YIPF4: variants seen among roughly 807,000 people sequenced by gnomAD.
YIPF4 encodes Yip1 domain family member 4.
A neutral mutation model predicts 29.4 loss-of-function variants in YIPF4; 18 were observed. The observed-to-expected ratio is 0.61, with a 90% CI of 0.42 to 0.91. YIPF4 has a LOEUF of 0.91. Ranked by LOEUF, YIPF4 falls within the 40% of genes least tolerant of loss-of-function variation. YIPF4 has a pLI of 0.00. For missense variants in YIPF4, 279 were observed against 282.7 expected, an observed-to-expected ratio of 0.99 and a Z score of 0.09; for synonymous variants, 115 against 104.7, an observed-to-expected ratio of 1.10 and a Z score of -0.60.
chr2:32,302,622 A>C (rs1558481785), intron 5 of YIPF4, among the ~76,000 whole-genome samples: 2 of 152,156 alleles, frequency 1.3e-5, no homozygotes, highest in Non-Finnish European at 2.9e-5. Flanking sequence ...TAGTAGTGTA[A>C]CTTAAACATT....
intron 4 of YIPF4, among the ~76,000 whole-genome samples, chr2:32,300,059 G>C (rs1009866184): frequency 1.3e-5 from 2 of 152,108 alleles, no homozygotes; most frequent in African/African-American, 2.4e-5. Context: ...CTGAGGTTGG[G>C]AGTTTGAGAC....
intron 4 of YIPF4, among the ~76,000 whole-genome samples, chr2:32,300,995 C>G (rs2031385077): frequency 6.6e-6 from 1 of 152,192 alleles, no homozygotes; most frequent in Non-Finnish European, 1.5e-5. Context: ...TTGGTAACAT[C>G]TAGGTTCTCT....
chr2:32,300,618 A>G (rs890700501), intron 4 of YIPF4, among the ~76,000 whole-genome samples: 1 of 152,132 alleles, frequency 6.6e-6, no homozygotes. Context: ...ATAGACACTT[A>G]AAGTATATTT....
At chr2:32,296,820 CCTA>C (rs1303121040) in intron 3 of YIPF4, among the ~76,000 whole-genome samples, 1 of 152,168 alleles carries the variant, frequency 6.6e-6, no homozygotes, top group Admixed American at 6.5e-5. Context: ...CTAACTTTAG[CCTA>C]CTAATTTTAG....
rs564046880 is a variant in YIPF4, at chr2:32,278,191, C to G, written c.36C>G (p.Pro12=). The change falls in exon 1 of 6, where the codon CCC becomes CCG. Residue 12 remains proline (P), a synonymous_variant. Coordinates refer to ENST00000238831, the MANE Select transcript of YIPF4 (RefSeq NM_032312.4). ...QPPGPPPAYA[P]TNGDFTFVSS... The stretch of plus-strand genomic sequence containing the variant: ...CGGGCCCGCCCCCGGCCTATGCCCC[C>G]ACTAACGGGGACTTCACCTTTGTCT... 7.5e-5 allele frequency: 118 copies of G among 1,574,220 alleles called. 1 individual carries two copies. The East Asian group carries it at 2.0e-3, about 27-fold the overall frequency.
rs2031691999 is a variant in YIPF4 at position 32,310,317 on chromosome 2, G to T, written c.*4691G>T. On this transcript the variant is annotated 3_prime_UTR_variant, in exon 6 of 6. Coordinates refer to ENST00000238831, the MANE Select transcript of YIPF4 (RefSeq NM_032312.4). ...TGTAGACCAGCCTGGGCAAGATAGCGAGATCCTGCCTCTGAAAAAATCATA... is the reference window on the plus strand; with the variant it reads ...TGTAGACCAGCCTGGGCAAGATAGCTAGATCCTGCCTCTGAAAAAATCATA... 1 of 152,058 alleles carries T rather than the reference G, an allele frequency of 6.6e-6. No individual in the cohort carries two copies. The highest frequency in any genetic ancestry group is 2.4e-5 in the African/African-American group (1 of 41,416). The allele number at this position is 152,058 out of a possible 1,614,324, so 9.4% of individuals were successfully genotyped here.
intron 1 of YIPF4, 152 bp from the exon 2 acceptor site, chr2:32,290,331 C>CT: frequency 2.3e-6 from 1 of 436,270 alleles, no homozygotes; most frequent in Admixed American, 4.5e-5. Context: ...TTTTAGATGT[C>CT]TGTCAACTAT....
At chr2:32,302,951 C>T (rs2031455302) in intron 5 of YIPF4, among the ~76,000 whole-genome samples, 1 of 152,188 alleles carries the variant, frequency 6.6e-6, no homozygotes, top group Non-Finnish European at 1.5e-5. Context: ...TAAATTCAAA[C>T]CCTGGTTCTG....
Position 32,313,573 on chromosome 2 carries a change from C to A in YIPF4, c.*7947C>A, listed in dbSNP as rs1318016928. The stretch of plus-strand genomic sequence containing the variant: ...AGTAAAGACGGTTTCTCCATGTAGG[C>A]CAAGCGGGTCTTGAACTCCCAACCT... On this transcript the variant is annotated 3_prime_UTR_variant, in exon 6 of 6. Coordinates refer to ENST00000238831, the MANE Select transcript of YIPF4 (RefSeq NM_032312.4). 1 of 152,054 alleles carries A rather than the reference C, an allele frequency of 6.6e-6. No homozygotes were observed. The highest frequency in any genetic ancestry group is 2.1e-4 in the South Asian group (1 of 4,820). The allele number at this position is 152,054 out of a possible 1,614,324, so 9.4% of individuals were successfully genotyped here. A position where few individuals can be genotyped will look rare whatever the true frequency, so the allele number is the denominator to read the frequency against.
intron 5 of YIPF4, among the ~76,000 whole-genome samples, chr2:32,303,469 C>T (rs1177947572): frequency 6.6e-6 from 1 of 152,110 alleles, no homozygotes; most frequent in Non-Finnish European, 1.5e-5. Context: ...AGCAGTTTGG[C>T]AGGCCGAGGC....
At position 32,307,952 on chromosome 2, in the gene YIPF4, A is replaced by C. The variant is rs946672110; in HGVS notation, c.*2326A>C. ...TCAAAAAAAAAAAAAAAAAAAAAAA[A>C]AACCATGATTTGTAGATGTGTGCAA... On this transcript the variant is annotated 3_prime_UTR_variant, in exon 6 of 6. Transcript: ENST00000238831. 2.0e-4 allele frequency: 30 copies of C among 150,034 alleles called. No individual in the cohort carries two copies. The highest frequency in any genetic ancestry group is 7.0e-4 in the African/African-American group (28 of 39,910). The allele number at this position is 150,034 out of a possible 1,614,324, so 9.3% of individuals were successfully genotyped here.
In YIPF4 at chr2:32,313,212, G is replaced by T. The variant is rs2031751636; in HGVS notation, c.*7586G>T. ...AATAAAAGTTAACTAGGCAAAGAAG[G>T]TAGGGAAGACTCTTTCAGATAGAAT... is the stretch of plus-strand genomic sequence containing the variant. On this transcript the variant is annotated 3_prime_UTR_variant, in exon 6 of 6. Transcript: ENST00000238831. 6.6e-6 allele frequency: 1 copy of T among 152,170 alleles called. No individual in the cohort carries two copies. The highest frequency in any genetic ancestry group is 2.1e-4 in the South Asian group (1 of 4,826). The allele number at this position is 152,170 out of a possible 1,614,324, so 9.4% of individuals were successfully genotyped here. A position where few individuals can be genotyped will look rare whatever the true frequency, so the allele number is the denominator to read the frequency against.
At position 32,310,188 on chromosome 2, in the gene YIPF4, A is replaced by T. The variant is rs1240346667; in HGVS notation, c.*4562A>T. The T allele has an allele frequency of 6.6e-6, 1 of 152,092 alleles. No homozygotes were observed. Among genetic ancestry groups the T allele is most frequent in the African/African-American group, 2.4e-5 (1 of 41,408 alleles). 9.4% of individuals were successfully genotyped at this position (152,092 alleles called of 1,614,324 possible). A position where few individuals can be genotyped will look rare whatever the true frequency, so the allele number is the denominator to read the frequency against. On this transcript the variant is annotated 3_prime_UTR_variant, in exon 6 of 6. Coordinates refer to ENST00000238831, the MANE Select transcript of YIPF4 (RefSeq NM_032312.4). Reference sequence around the variant, plus strand: ...AACCTTTGAGCCTTATACTATTTTTAAATTTCCCTTTAAAAATTGAATTAC... The same window carrying T: ...AACCTTTGAGCCTTATACTATTTTTTAATTTCCCTTTAAAAATTGAATTAC...
Position 32,281,809 on chromosome 2 carries a change from C to T in YIPF4, c.79+3575C>T, listed in dbSNP as rs961170459. Among the ~76,000 whole-genome samples the T allele has an allele frequency of 3.3e-5, 5 of 149,324 alleles. No homozygotes were observed. In the South Asian group the frequency reaches 6.5e-4, roughly 19 times the overall value. On this transcript the variant is annotated intron_variant, in intron 1 of 5. Coordinates refer to ENST00000238831, the MANE Select transcript of YIPF4 (RefSeq NM_032312.4). ...ACCTAGGAGGCTGAGGCAGGAGAATCACTTGAACCCAGAAGGCAGAGGTTG... is the reference window on the plus strand; with the variant it reads ...ACCTAGGAGGCTGAGGCAGGAGAATTACTTGAACCCAGAAGGCAGAGGTTG...
chr2:32,287,028 T>C (rs900880628), intron 1 of YIPF4, among the ~76,000 whole-genome samples: 1 of 152,086 alleles, frequency 6.6e-6, no homozygotes, highest in African/African-American at 2.4e-5. Context: ...GTGTATTACA[T>C]GAGGCCAGGA....
intron 1 of YIPF4, among the ~76,000 whole-genome samples, chr2:32,278,980 A>AT (rs61561911): frequency 0.16 from 23,694 of 146,438 alleles, 1,952 homozygotes; most frequent in Middle Eastern, 0.27. Context: ...GTCATTTTCA[A>AT]TTTTTTTTTT....
Position 32,278,049 on chromosome 2 carries a change from C to T in YIPF4, c.-107C>T. 2.0e-6 allele frequency: 2 copies of T among 976,972 alleles called. No individual in the cohort carries two copies. The highest frequency in any genetic ancestry group is 3.0e-6 in the Non-Finnish European group (2 of 672,140). 60.5% of individuals were successfully genotyped at this position (976,972 alleles called of 1,614,324 possible). ...CGCTCGCAGCTTGCACGTCGAGACT[C>T]GTAGGCCGCACCGTAGGGCGAGCGT... On this transcript the variant is annotated 5_prime_UTR_variant, in exon 1 of 6. Transcript: ENST00000238831.
In YIPF4 at chr2:32,290,545, G is replaced by C. The variant is rs1195693900; in HGVS notation, c.142G>C (p.Glu48Gln). ...KLNLGGDFIK[E>Q]STATTFLRQR... ...AAATCTTGGTGGAGATTTTATCAAA[G>C]AATCTACAGCTACTACATTTCTGAG... Residue 48 changes from glutamate to glutamine, a missense_variant, in exon 2 of 6, where the codon GAA becomes CAA. By Grantham distance (29) the Glu-to-Gln change is conservative. Coordinates refer to ENST00000238831, the MANE Select transcript of YIPF4 (RefSeq NM_032312.4). 2 of 1,584,380 alleles carry C rather than the reference G, an allele frequency of 1.3e-6. No homozygotes were observed. The highest frequency in any genetic ancestry group is 1.7e-6 in the Non-Finnish European group (2 of 1,165,888).
intron 3 of YIPF4, among the ~76,000 whole-genome samples, chr2:32,295,013 A>C (rs925179990): frequency 7.0e-6 from 1 of 143,230 alleles, no homozygotes; most frequent in African/African-American, 2.6e-5. Context: ...CCGAGATGGC[A>C]GCAGTACAGT....
Sources: allele counts gnomAD v4.1 joint callset (sites outside exome capture counted in the v4.1 genomes callset), GRCh38; gene constraint gnomAD v4.1.1; transcripts MANE v1.5; gene names NCBI Gene and HGNC (gene_info 2026-07-23, HGNC 2026-07-21).